Variants in ZNF678 observed in about 807,000 individuals in gnomAD.
The protein encoded by ZNF678 is hypothetical protein MGC42493.
ZNF678 carries 5 observed loss-of-function variants against 3.0 expected under a neutral mutation model. That is an observed-to-expected ratio of 1.69 (90% CI 0.88 to 3.56). ZNF678 has a LOEUF of 3.56. Among genes scored for constraint, ZNF678 ranks in the 30% most tolerant of loss-of-function variants. The pLI, the probability that ZNF678 is intolerant of heterozygous loss-of-function variation, is 0.00. For synonymous variants in ZNF678, 218 were observed against 199.6 expected (o/e 1.09, Z -0.78); for missense variants, 593 against 605.0 (o/e 0.98, Z 0.21).
At chr1:227,600,550 A>C (rs778555030) in intron 1 of ZNF678, among the ~76,000 whole-genome samples, 20 of 152,252 alleles carry the variant, frequency 1.3e-4, no homozygotes, top group Non-Finnish European at 2.1e-4. Context: ...AGTTATGTTG[A>C]GCTTTTTAAA....
intron 1 of ZNF678, among the ~76,000 whole-genome samples, chr1:227,579,380 C>T (rs1049380202): frequency 3.3e-5 from 5 of 151,992 alleles, no homozygotes; most frequent in Non-Finnish European, 5.9e-5. Flanking sequence ...CAGGGGAAGA[C>T]CCACTGTTCT....
At chr1:227,594,570 G>C (rs1263425541) in intron 1 of ZNF678, among the ~76,000 whole-genome samples, 1 of 152,170 alleles carries the variant, frequency 6.6e-6, no homozygotes, top group Non-Finnish European at 1.5e-5. Flanking sequence ...TTAAAACAAA[G>C]TATACATATT....
chr1:227,647,257 C>T (rs1329180969), intron 2 of ZNF678, among the ~76,000 whole-genome samples: 2 of 152,140 alleles, frequency 1.3e-5, no homozygotes, highest in African/African-American at 4.8e-5. Context: ...AACTCCGTCT[C>T]AACAAACAAA....
chr1:227,599,452 A>C (rs1285600286), intron 1 of ZNF678, among the ~76,000 whole-genome samples: 2 of 152,216 alleles, frequency 1.3e-5, no homozygotes, highest in African/African-American at 4.8e-5. Flanking sequence ...TTTATCTTTG[A>C]AAGCAACAGA....
intron 1 of ZNF678, among the ~76,000 whole-genome samples, chr1:227,608,685 A>T (rs560377242): frequency 8.3e-4 from 127 of 152,336 alleles, no homozygotes; most frequent in African/African-American, 2.8e-3. Flanking sequence ...TATTCTATAT[A>T]ACAGCAAGTT....
chr1:227,622,676 A>G (rs1333639266), intron 1 of ZNF678, among the ~76,000 whole-genome samples: 2 of 152,172 alleles, frequency 1.3e-5, no homozygotes, highest in African/African-American at 2.4e-5. Context: ...TTTGTGCCAT[A>G]TAATGTACTA....
chr1:227,671,074 C>CTTTT (rs200510182), intron 5 of ZNF678, among the ~76,000 whole-genome samples: 11 of 120,554 alleles, frequency 9.1e-5, no homozygotes, highest in African/African-American at 1.3e-4. Flanking sequence ...AGTGGATCAC[C>CTTTT]TTTTTTTTTT....
At chr1:227,677,620 C>T (rs992768903), downstream of ZNF678, among the ~76,000 whole-genome samples, 10 of 152,174 alleles carry the variant, frequency 6.6e-5, no homozygotes, top group South Asian at 2.1e-4. Flanking sequence ...GTGACCAAGA[C>T]GATGGCACCT....
At chr1:227,624,504 G>C (rs1317137415) in intron 1 of ZNF678, among the ~76,000 whole-genome samples, 1 of 152,180 alleles carries the variant, frequency 6.6e-6, no homozygotes, top group African/African-American at 2.4e-5. Flanking sequence ...GCATTTTTGT[G>C]CACTGCAGAT....
intron 1 of ZNF678, among the ~76,000 whole-genome samples, chr1:227,617,281 T>C (rs888401091): frequency 3.3e-5 from 5 of 152,206 alleles, no homozygotes; most frequent in African/African-American, 1.2e-4. Flanking sequence ...AGCACTCCAT[T>C]ATCAAATGAG....
At chr1:227,627,000 A>T (rs1187351868) in intron 1 of ZNF678, among the ~76,000 whole-genome samples, 1 of 149,312 alleles carries the variant, frequency 6.7e-6, no homozygotes, top group Non-Finnish European at 1.5e-5. Flanking sequence ...AGATACTGAA[A>T]TCCCTGAGAT....
At chr1:227,627,509 C>T (rs1295477403) in intron 1 of ZNF678, among the ~76,000 whole-genome samples, 1 of 152,082 alleles carries the variant, frequency 6.6e-6, no homozygotes, top group Admixed American at 6.5e-5. Context: ...CTGATGATCT[C>T]GGCCATGTAA....
At chr1:227,636,257 G>C (rs530338804) in intron 1 of ZNF678, among the ~76,000 whole-genome samples, 4 of 152,132 alleles carry the variant, frequency 2.6e-5, no homozygotes, top group Non-Finnish European at 5.9e-5. Flanking sequence ...GTTTGGGCTG[G>C]TACATGGGCT....
intron 2 of ZNF678, among the ~76,000 whole-genome samples, chr1:227,649,827 A>G (rs925824257): frequency 1.2e-4 from 18 of 151,970 alleles, no homozygotes; most frequent in Non-Finnish European, 1.9e-4. Flanking sequence ...AAAAATATCT[A>G]TTGGGTCTTT....
chr1:227,667,774 A>G (rs892210472), intron 5 of ZNF678, among the ~76,000 whole-genome samples: 1 of 152,186 alleles, frequency 6.6e-6, no homozygotes, highest in Non-Finnish European at 1.5e-5. Context: ...AAATAAATAT[A>G]CCCCGAACTT....
At chr1:227,576,924 T>A (rs1331876132) in intron 1 of ZNF678, among the ~76,000 whole-genome samples, 1 of 152,204 alleles carries the variant, frequency 6.6e-6, no homozygotes, top group African/African-American at 2.4e-5. Context: ...GAGATTCTGG[T>A]ATGTTGTATC....
intron 1 of ZNF678, 56 bp downstream of exon 1, chr1:227,563,780 A>C (rs1201348735): frequency 7.7e-7 from 1 of 1,300,366 alleles, no homozygotes; most frequent in Non-Finnish European, 1.0e-6. Flanking sequence ...CGGCGTCAGC[A>C]CTAGAGTCCG....
At chr1:227,621,627 T>C (rs988616052) in intron 1 of ZNF678, among the ~76,000 whole-genome samples, 3 of 152,088 alleles carry the variant, frequency 2.0e-5, no homozygotes, top group African/African-American at 7.2e-5. Context: ...AGAGAGACTG[T>C]AGATTAGTGT....
chr1:227,649,864 TATC>T (rs1335236789), intron 2 of ZNF678, among the ~76,000 whole-genome samples: 1 of 152,180 alleles, frequency 6.6e-6, no homozygotes, highest in Non-Finnish European at 1.5e-5. Flanking sequence ...TTATTATTAT[TATC>T]ATTATTATTG....
Sources: allele counts gnomAD v4.1 joint callset (sites outside exome capture counted in the v4.1 genomes callset), GRCh38; gene constraint gnomAD v4.1.1; transcripts MANE v1.5; gene names NCBI Gene and HGNC (gene_info 2026-07-23, HGNC 2026-07-21).